VWC2L: variants seen among roughly 807,000 people sequenced by gnomAD.
The protein encoded by VWC2L is von Willebrand factor C domain-containing protein 2-like.
A neutral mutation model predicts 21.6 loss-of-function variants in VWC2L; 10 were observed. The observed-to-expected ratio is 0.46, with a 90% CI of 0.29 to 0.78. VWC2L has a LOEUF of 0.78. Among genes scored for constraint, VWC2L ranks in the 30% least tolerant of loss-of-function variants. VWC2L has a pLI of 0.10. For synonymous variants in VWC2L, 96 were observed against 94.3 expected, an observed-to-expected ratio of 1.02 and a Z score of -0.10; for missense variants, 209 against 277.1, an observed-to-expected ratio of 0.75 and a Z score of 1.74.
intron 2 of VWC2L, among the ~76,000 whole-genome samples, chr2:214,427,920 C>T (rs1045442187): frequency 6.6e-6 from 1 of 152,056 alleles, no homozygotes; most frequent in Non-Finnish European, 1.5e-5. Flanking sequence ...CTTTCCAATA[C>T]AGTATTTTTG....
chr2:214,561,001 CTT>C (rs1231516215), intron 3 of VWC2L, among the ~76,000 whole-genome samples: 1 of 152,200 alleles, frequency 6.6e-6, no homozygotes, highest in African/African-American at 2.4e-5. Flanking sequence ...TTTGAAACTT[CTT>C]CCAAAACTCA....
intron 3 of VWC2L, among the ~76,000 whole-genome samples, chr2:214,552,652 C>T (rs771022388): frequency 7.2e-5 from 11 of 152,206 alleles, no homozygotes; most frequent in Non-Finnish European, 1.6e-4. Flanking sequence ...TTCTATTTCT[C>T]TACTCACGAC....
At chr2:214,535,797 A>AACAC (rs10581608) in intron 3 of VWC2L, among the ~76,000 whole-genome samples, 42 of 150,098 alleles carry the variant, frequency 2.8e-4, no homozygotes, top group Non-Finnish European at 3.7e-4. Flanking sequence ...GGAAAAATGA[A>AACAC]ACACACACAC....
chr2:214,428,284 C>T (rs549735277), intron 2 of VWC2L, among the ~76,000 whole-genome samples: 15 of 152,246 alleles, frequency 9.9e-5, no homozygotes, highest in South Asian at 4.1e-4. Context: ...ATCTTACAAG[C>T]GAAAAACCCA....
chr2:214,454,780 T>G (rs1001615097), intron 3 of VWC2L, among the ~76,000 whole-genome samples: 13 of 151,666 alleles, frequency 8.6e-5, no homozygotes, highest in African/African-American at 2.9e-4. Flanking sequence ...TTTTTTATAT[T>G]TTTAGTAGAG....
intron 2 of VWC2L, among the ~76,000 whole-genome samples, chr2:214,421,351 A>T (rs187274475): frequency 6.6e-6 from 1 of 152,342 alleles, no homozygotes; most frequent in African/African-American, 2.4e-5. Flanking sequence ...TAGCTCATTG[A>T]CAGTCAGAAC....
intron 2 of VWC2L, among the ~76,000 whole-genome samples, chr2:214,428,413 T>A (rs1574559267): frequency 1.3e-5 from 2 of 152,332 alleles, no homozygotes; most frequent in Admixed American, 1.3e-4. Flanking sequence ...CACTGGGTGA[T>A]AGCACTAACA....
At chr2:214,473,441 C>T (rs983127964) in intron 3 of VWC2L, among the ~76,000 whole-genome samples, 23 of 152,114 alleles carry the variant, frequency 1.5e-4, no homozygotes, top group African/African-American at 4.8e-4. Flanking sequence ...AGACCCAGCT[C>T]CCATGCCTGA....
chr2:214,412,901 T>C (rs1702299604), intron 1 of VWC2L, among the ~76,000 whole-genome samples: 1 of 152,056 alleles, frequency 6.6e-6, no homozygotes, highest in South Asian at 2.1e-4. Flanking sequence ...ATGAAGCCAA[T>C]AGCATTTAAA....
chr2:214,500,557 C>T lies in VWC2L; in HGVS notation c.520+63799C>T, dbSNP rs114363789. 8.0e-3 allele frequency among the ~76,000 whole-genome samples: 1,222 copies of T among 152,358 alleles called. 20 individuals carry two copies. The highest frequency in any genetic ancestry group is 0.028 in the African/African-American group (1,158 of 41,592). ...CTTCCCATCTGAGCCTGTTTTCCAGCTCCCTATCCCTGCTGCCAGCTTCTG... is the reference window on the plus strand; with the variant it reads ...CTTCCCATCTGAGCCTGTTTTCCAGTTCCCTATCCCTGCTGCCAGCTTCTG... On this transcript the variant is annotated intron_variant, in intron 3 of 3. Transcript: ENST00000312504.
At chr2:214,486,459 T>A (rs926744244) in intron 3 of VWC2L, among the ~76,000 whole-genome samples, 8 of 152,236 alleles carry the variant, frequency 5.3e-5, no homozygotes, top group African/African-American at 1.9e-4. Flanking sequence ...ATTCTTCATA[T>A]GCCCCAAACA....
chr2:214,556,701 G>A (rs776349763), intron 3 of VWC2L, among the ~76,000 whole-genome samples: 1 of 152,100 alleles, frequency 6.6e-6, no homozygotes, highest in Non-Finnish European at 1.5e-5. Flanking sequence ...TACAATCTGA[G>A]GCGAGGAATC....
chr2:214,414,754 G>A lies in VWC2L; in HGVS notation c.390+171G>A. ...CACCATGGTCAACAAATGGCCAACT[G>A]GTTTGTTGATCATATTTGTTAAGTT... On this transcript the variant is annotated intron_variant, in intron 2 of 3. Coordinates refer to ENST00000312504, the MANE Select transcript of VWC2L (RefSeq NM_001080500.4). 5.7e-6 allele frequency: 4 copies of A among 704,842 alleles called. No homozygotes were observed. The East Asian group carries it at 8.7e-5, about 15-fold the overall frequency. The allele number at this position is 704,842 out of a possible 1,614,324, so 43.7% of individuals were successfully genotyped here.
chr2:214,528,100 A>G (rs1274251312), intron 3 of VWC2L, among the ~76,000 whole-genome samples: 2 of 152,254 alleles, frequency 1.3e-5, no homozygotes, highest in Non-Finnish European at 2.9e-5. Flanking sequence ...TCAAAGTTCT[A>G]TAACACTTTG....
intron 3 of VWC2L, among the ~76,000 whole-genome samples, chr2:214,488,968 G>A (rs1688710664): frequency 6.6e-6 from 1 of 152,156 alleles, no homozygotes; most frequent in Admixed American, 6.5e-5. Context: ...CTCCCATTAG[G>A]TTCTACCTTT....
chr2:214,537,817 A>T (rs1337970534), intron 3 of VWC2L, among the ~76,000 whole-genome samples: 1 of 151,462 alleles, frequency 6.6e-6, no homozygotes, highest in Non-Finnish European at 1.5e-5. Flanking sequence ...TTCTGCATGG[A>T]TTTATTAGTG....
intron 3 of VWC2L, among the ~76,000 whole-genome samples, chr2:214,452,741 T>C (rs924047219): frequency 6.6e-6 from 1 of 152,180 alleles, no homozygotes; most frequent in Admixed American, 6.5e-5. Context: ...TCCTCACCAA[T>C]GCTTGGAATT....
At chr2:214,431,069 C>T (rs1702594750) in intron 2 of VWC2L, among the ~76,000 whole-genome samples, 1 of 152,152 alleles carries the variant, frequency 6.6e-6, no homozygotes, top group Non-Finnish European at 1.5e-5. Context: ...GGTTAAAACC[C>T]ATTGGATCAG....
At chr2:214,470,640 G>A (rs1267985093) in intron 3 of VWC2L, among the ~76,000 whole-genome samples, 1 of 152,034 alleles carries the variant, frequency 6.6e-6, no homozygotes, top group Admixed American at 6.6e-5. Flanking sequence ...TACGTGCAGT[G>A]GCTCACACCT....
Sources: allele counts gnomAD v4.1 joint callset (sites outside exome capture counted in the v4.1 genomes callset), GRCh38; gene constraint gnomAD v4.1.1; transcripts MANE v1.5; gene names NCBI Gene and HGNC (gene_info 2026-07-23, HGNC 2026-07-21).